The following N4BP2 variants were observed in gnomAD, a reference collection of about 807,000 sequenced individuals.
The protein encoded by N4BP2 is NEDD4-binding protein 2.
A neutral mutation model predicts 152.8 loss-of-function variants in N4BP2; 91 were observed. The ratio of observed to expected loss-of-function variants is 0.60; its 90% CI spans 0.50 to 0.71. N4BP2 has a LOEUF of 0.71. N4BP2 is among the 30% of genes least tolerant of loss of function. N4BP2 has a pLI of 0.00. For missense variants in N4BP2, 1,923 were observed against 2,059.1 expected, an observed-to-expected ratio of 0.93 and a Z score of 1.28; for synonymous variants, 646 against 705.3, an observed-to-expected ratio of 0.92 and a Z score of 1.33.
At chr4:40,144,487 A>G in intron 15 of N4BP2, 145 bp from the exon 16 acceptor site, 1 of 562,564 alleles carries the variant, frequency 1.8e-6, no homozygotes, top group South Asian at 3.5e-5. Flanking sequence ...GTGCATTCTT[A>G]TATATTAAAC....
chr4:40,100,397 GAT>G (rs1259713041), intron 3 of N4BP2, among the ~76,000 whole-genome samples: 2 of 143,844 alleles, frequency 1.4e-5, no homozygotes, highest in African/African-American at 5.6e-5. Flanking sequence ...TTTTTTTTGA[GAT>G]AGGGCCTCAC....
At chr4:40,176,046 G>C in the N4BP2 span, among the ~76,000 whole-genome samples, 7 of 149,824 alleles carry the variant, frequency 4.7e-5, no homozygotes, top group South Asian at 2.1e-4. Context: ...GTTGAGATCG[G>C]GCCACTGCAA....
intron 2 of N4BP2, among the ~76,000 whole-genome samples, chr4:40,089,932 A>T (rs1289324943): frequency 6.6e-6 from 1 of 151,630 alleles, no homozygotes; most frequent in African/African-American, 2.4e-5. Context: ...TATTTCTGTA[A>T]ATTTCCAAGA....
At chr4:40,065,147 A>G (rs144086517) in intron 1 of N4BP2, among the ~76,000 whole-genome samples, 1,860 of 152,276 alleles carry the variant, frequency 0.012, 24 homozygotes, top group Non-Finnish European at 0.02. Flanking sequence ...GAAACAAATA[A>G]CTAGGTACAG....
intron 16 of N4BP2, among the ~76,000 whole-genome samples, chr4:40,148,488 G>A (rs1720832751): frequency 1.3e-5 from 2 of 150,190 alleles, no homozygotes; most frequent in African/African-American, 4.9e-5. Context: ...GGGGGAGGGG[G>A]AGGGGGAGAG....
intron 16 of N4BP2, among the ~76,000 whole-genome samples, chr4:40,149,207 A>G (rs998444465): frequency 3.3e-5 from 5 of 152,274 alleles, no homozygotes; most frequent in Admixed American, 3.3e-4. Flanking sequence ...CTAAAAGTTC[A>G]TTAACTGATG....
At chr4:40,078,113 A>ATGTGTGTGTGTGTGTGTG (rs71194969) in intron 2 of N4BP2, 13 of 142,642 alleles carry the variant, frequency 9.1e-5, no homozygotes, top group South Asian at 2.3e-4. Context: ...ATATTTCTAA[A>ATGTGTGTGTGTGTGTGTG]TGTGTGTGTG....
intron 2 of N4BP2, among the ~76,000 whole-genome samples, chr4:40,089,965 CT>C (rs1205666112): frequency 6.6e-6 from 1 of 152,090 alleles, no homozygotes; most frequent in Non-Finnish European, 1.5e-5. Context: ...AAGCATGAGA[CT>C]TAGGTCAAGG....
intron 16 of N4BP2, among the ~76,000 whole-genome samples, chr4:40,151,262 C>T (rs1373648669): frequency 6.6e-6 from 1 of 151,994 alleles, no homozygotes; most frequent in Non-Finnish European, 1.5e-5. Context: ...TTTAGTTGGG[C>T]TTTTTTTGTA....
chr4:40,076,204 G>A (rs965631515), intron 2 of N4BP2, among the ~76,000 whole-genome samples: 4 of 152,082 alleles, frequency 2.6e-5, no homozygotes, highest in Non-Finnish European at 2.9e-5. Flanking sequence ...GGCCAGGTGC[G>A]GTGGCTCCTG....
At chr4:40,145,437 T>G (rs1419188520) in intron 16 of N4BP2, among the ~76,000 whole-genome samples, 1 of 152,192 alleles carries the variant, frequency 6.6e-6, no homozygotes, top group Non-Finnish European at 1.5e-5. Flanking sequence ...TTGGCCAGGC[T>G]GGTCTTGAAC....
rs1719167692 is a variant in N4BP2 at position 40,134,384 on chromosome 4, G to A, written c.4646+2465G>A. On this transcript the variant is annotated intron_variant, in intron 13 of 17. Coordinates refer to ENST00000261435, the MANE Select transcript of N4BP2 (RefSeq NM_018177.6). ...CTTCCCCAGGCAAAGGAGGGGGCTG[G>A]GTGTGTCCTTCTGGGGATGGTCAGT... Among the ~76,000 whole-genome samples, 3 of 58,306 alleles carry A rather than the reference G, an allele frequency of 5.1e-5. No homozygotes were observed. In the Admixed American group the frequency reaches 6.6e-4, roughly 13 times the overall value. The allele number at this position is 58,306 out of a possible 152,430, so 38.3% of individuals were successfully genotyped here.
chr4:40,145,214 G>C (rs149985803), intron 16 of N4BP2, among the ~76,000 whole-genome samples: 3 of 149,270 alleles, frequency 2.0e-5, no homozygotes, highest in African/African-American at 7.4e-5. Flanking sequence ...CACTCCAGTA[G>C]TTTTTTTGTT....
chr4:40,075,928 A>G lies in N4BP2; in HGVS notation c.-115+2377A>G, dbSNP rs192447705. On this transcript the variant is annotated intron_variant, in intron 2 of 17. Transcript: ENST00000261435. ...TGCAGCCTTGGCCTCTCAGGCCCAAACAATCCTCCTACCTCAGTCTCCTGA... is the reference window on the plus strand; with the variant it reads ...TGCAGCCTTGGCCTCTCAGGCCCAAGCAATCCTCCTACCTCAGTCTCCTGA... 4.0e-3 allele frequency among the ~76,000 whole-genome samples: 615 copies of G among 152,168 alleles called. 2 individuals are homozygous for G. The highest frequency in any genetic ancestry group is 6.0e-3 in the Non-Finnish European group (409 of 68,004).
chr4:40,181,299 C>T, the N4BP2 span, among the ~76,000 whole-genome samples: 2 of 152,174 alleles, frequency 1.3e-5, no homozygotes, highest in African/African-American at 4.8e-5. Context: ...CTTGAAACTT[C>T]CCCAACTTTC....
At chr4:40,135,560 T>C (rs1360816385) in intron 13 of N4BP2, among the ~76,000 whole-genome samples, 1 of 152,074 alleles carries the variant, frequency 6.6e-6, no homozygotes, top group Non-Finnish European at 1.5e-5. Flanking sequence ...TTTACAGTCT[T>C]TCTTTCTTTC....
intron 12 of N4BP2, 99 bp downstream of exon 12, chr4:40,126,429 C>A: frequency 1.9e-6 from 1 of 539,890 alleles, no homozygotes; most frequent in Non-Finnish European, 3.1e-6. Flanking sequence ...GTCTAGAATC[C>A]ATATTTAACC....
downstream of N4BP2, among the ~76,000 whole-genome samples, chr4:40,161,544 ATAAT>A (rs1721860032): frequency 6.6e-6 from 1 of 152,190 alleles, no homozygotes; most frequent in Admixed American, 6.5e-5. Flanking sequence ...CATTGACTTG[ATAAT>A]TAAAGAACAA....
At chr4:40,134,297 GCCACTC>G (rs1490926760) in intron 13 of N4BP2, among the ~76,000 whole-genome samples, 4 of 152,086 alleles carry the variant, frequency 2.6e-5, no homozygotes, top group Admixed American at 1.3e-4. Flanking sequence ...CTAGCATATG[GCCACTC>G]CTGTTCTATG....
Sources: allele counts gnomAD v4.1 joint callset (sites outside exome capture counted in the v4.1 genomes callset), GRCh38; gene constraint gnomAD v4.1.1; transcripts MANE v1.5; gene names NCBI Gene and HGNC (gene_info 2026-07-23, HGNC 2026-07-21).